DLG2: variants seen among roughly 807,000 people sequenced by gnomAD.
The protein encoded by DLG2 is disks large homolog 2.
DLG2 carries 45 observed loss-of-function variants against 132.5 expected under a neutral mutation model. The ratio of observed to expected loss-of-function variants is 0.34; its 90% confidence interval spans 0.27 to 0.44. DLG2 has a LOEUF of 0.44. Among genes scored for constraint, DLG2 ranks in the 20% least tolerant of loss-of-function variants. The probability of loss-of-function intolerance (pLI) is 1.00; values close to 1 mark genes in which losing one functional copy is unlikely to be tolerated. For missense variants in DLG2, 1,045 were observed against 1,196.9 expected, an observed-to-expected ratio of 0.87 and a Z score of 1.87; for synonymous variants, 424 against 419.6, an observed-to-expected ratio of 1.01 and a Z score of -0.13.
At chr11:85,013,529 T>C (rs1174538026) in intron 6 of DLG2, among the ~76,000 whole-genome samples, 1 of 152,144 alleles carries the variant, frequency 6.6e-6, no homozygotes, top group Non-Finnish European at 1.5e-5. Context: ...TCAGAGCATA[T>C]GATAAAAACA....
chr11:84,176,335 ATT>A (rs1461508906), intron 8 of DLG2, among the ~76,000 whole-genome samples: 18 of 130,432 alleles, frequency 1.4e-4, no homozygotes, highest in Non-Finnish European at 2.7e-4. Flanking sequence ...ATATATATAT[ATT>A]TGCATATATA....
At chr11:84,982,773 C>A (rs1340247046) in intron 6 of DLG2, among the ~76,000 whole-genome samples, 1 of 151,066 alleles carries the variant, frequency 6.6e-6, no homozygotes, top group African/African-American at 2.4e-5. Context: ...CAGACTGATT[C>A]AATATTCAAA....
At chr11:84,358,405 A>C (rs2154418557) in intron 7 of DLG2, among the ~76,000 whole-genome samples, 1 of 150,438 alleles carries the variant, frequency 6.6e-6, no homozygotes, top group African/African-American at 2.4e-5. Context: ...CTAAAAGCAA[A>C]CCTACTTTCA....
chr11:85,473,851 A>G (rs2093059031), intron 3 of DLG2, among the ~76,000 whole-genome samples: 1 of 152,024 alleles, frequency 6.6e-6, no homozygotes, highest in South Asian at 2.1e-4. Context: ...CAGTAAAAGG[A>G]AGAAAGAATA....
chr11:83,976,545 A>G (rs2092248513), intron 12 of DLG2, among the ~76,000 whole-genome samples: 1 of 151,894 alleles, frequency 6.6e-6, no homozygotes, highest in Admixed American at 6.6e-5. Context: ...GAGCATTAAT[A>G]AATATTTTTG....
intron 19 of DLG2, among the ~76,000 whole-genome samples, chr11:83,627,859 A>G (rs529540974): frequency 8.5e-5 from 13 of 152,274 alleles, no homozygotes; most frequent in Admixed American, 7.2e-4. Flanking sequence ...ATTTCTCCAC[A>G]TCCTCTCCAG....
At chr11:84,783,421 T>C (rs2072194706) in intron 6 of DLG2, among the ~76,000 whole-genome samples, 1 of 152,194 alleles carries the variant, frequency 6.6e-6, no homozygotes, top group African/African-American at 2.4e-5. Flanking sequence ...GATCTTTCTG[T>C]GTTCTCTTTC....
rs144989838 is a variant in DLG2 at position 84,789,947 on chromosome 11, T to C, written c.358-255216A>G. 4.4e-3 allele frequency among the ~76,000 whole-genome samples: 663 copies of C among 152,296 alleles called. 5 individuals carry two copies. Among genetic ancestry groups the C allele is most frequent in the African/African-American group, 0.015 (627 of 41,578 alleles). On this transcript the variant is annotated intron_variant, in intron 6 of 27. Coordinates refer to ENST00000376104, the MANE Select transcript of DLG2 (RefSeq NM_001142699.3). ...CTTTTTATAGTTGAACAGTACTCCATTGTGTATATGTACCACATTTTCTTT... is the reference window on the plus strand; with the variant it reads ...CTTTTTATAGTTGAACAGTACTCCACTGTGTATATGTACCACATTTTCTTT...
rs573140736 is a variant in DLG2, at chr11:83,990,698, T to C, written c.920-10056A>G. Among the ~76,000 whole-genome samples the C allele has an allele frequency of 1.2e-4, 18 of 152,272 alleles. No individual in the cohort carries two copies. The South Asian group carries it at 3.5e-3, about 30-fold the overall frequency. ...TGATGTCTTATAATCATTCAGTGAA[T>C]TGGTTCAACTTTATTTCATGTGACT... On this transcript the variant is annotated intron_variant, in intron 11 of 27. Coordinates refer to ENST00000376104, the MANE Select transcript of DLG2 (RefSeq NM_001142699.3).
At chr11:84,076,458 T>C (rs56218068) in intron 10 of DLG2, among the ~76,000 whole-genome samples, 570 of 152,350 alleles carry the variant, frequency 3.7e-3, no homozygotes, top group Non-Finnish European at 6.3e-3. Context: ...CACGCGATTA[T>C]TGCTACATTT....
At chr11:84,317,086 G>A (rs1268757475) in intron 7 of DLG2, 1 of 1,612,826 alleles carries the variant, frequency 6.2e-7, no homozygotes, top group East Asian at 2.2e-5. Flanking sequence ...CACTCCTGAC[G>A]GCATCCATCC....
chr11:83,959,282 C>G (rs12270426), intron 14 of DLG2, among the ~76,000 whole-genome samples: 2 of 151,678 alleles, frequency 1.3e-5, no homozygotes, highest in East Asian at 3.9e-4. Flanking sequence ...AAATTCTTAC[C>G]GTACATCCAT....
intron 8 of DLG2, among the ~76,000 whole-genome samples, chr11:84,210,847 G>GA (rs1432674974): frequency 2.0e-5 from 3 of 152,062 alleles, no homozygotes; most frequent in Admixed American, 2.0e-4. Flanking sequence ...GGCACAGACT[G>GA]AAAAAAAGAA....
At position 83,673,254 on chromosome 11, in the gene DLG2, C is replaced by T. The variant is rs1389675946; in HGVS notation, c.1826-39929G>A. 4.6e-5 allele frequency among the ~76,000 whole-genome samples: 7 copies of T among 152,152 alleles called. No homozygotes were observed. The East Asian group carries it at 1.4e-3, about 29-fold the overall frequency. On this transcript the variant is annotated intron_variant, in intron 18 of 27. Transcript: ENST00000376104. ...AGTTTTTTAAAAAAGCAATATTTGC[C>T]ACAGAATCATTAATAAATAGGCTCG... is the stretch of plus-strand genomic sequence containing the variant.
chr11:84,093,914 C>T (rs1016565311), intron 10 of DLG2, among the ~76,000 whole-genome samples: 4 of 151,630 alleles, frequency 2.6e-5, no homozygotes, highest in Non-Finnish European at 4.4e-5. Context: ...CGCGCCTATT[C>T]GTGAGTGGCA....
At chr11:85,555,747 C>CT (rs2076909694) in intron 3 of DLG2, among the ~76,000 whole-genome samples, 1 of 151,896 alleles carries the variant, frequency 6.6e-6, no homozygotes, top group Non-Finnish European at 1.5e-5. Flanking sequence ...CTAGGGAACT[C>CT]TGTCTGCATA....
intron 4 of DLG2, among the ~76,000 whole-genome samples, chr11:85,162,663 T>G (rs1050533222): frequency 6.6e-6 from 1 of 152,244 alleles, no homozygotes; most frequent in South Asian, 2.1e-4. Flanking sequence ...GTTAACTTTA[T>G]GTAGTAGTAT....
intron 22 of DLG2, among the ~76,000 whole-genome samples, chr11:83,475,716 TTTTTC>T (rs149123372): frequency 0.33 from 49,235 of 151,170 alleles, 8,043 homozygotes; most frequent in East Asian, 0.38. Flanking sequence ...CTCTCTTCTT[TTTTTC>T]TTTTCTTTTC....
chr11:85,212,749 G>C (rs2082330591), intron 4 of DLG2, among the ~76,000 whole-genome samples: 1 of 152,098 alleles, frequency 6.6e-6, no homozygotes, highest in Admixed American at 6.6e-5. Context: ...GAAGTTAAAT[G>C]ACCTGCCCAA....
Sources: allele counts gnomAD v4.1 joint callset (sites outside exome capture counted in the v4.1 genomes callset), GRCh38; gene constraint gnomAD v4.1.1; transcripts MANE v1.5; gene names NCBI Gene and HGNC (gene_info 2026-07-23, HGNC 2026-07-21).